Variants in NBAS observed in about 807,000 individuals in gnomAD.
NBAS encodes the protein NBAS subunit of NRZ tethering complex.
Under a neutral mutation model 302.5 loss-of-function variants are expected in NBAS, and 219 were observed. The ratio of observed to expected loss-of-function variants is 0.72; its 90% CI spans 0.65 to 0.81. The LOEUF (loss-of-function observed/expected upper bound fraction) is 0.81, where lower values mean the gene tolerates loss of function less well. Among genes scored for constraint, NBAS ranks in the 30% least tolerant of loss-of-function variants. NBAS has a pLI of 0.00. For synonymous variants in NBAS, 1,118 were observed against 1,021.6 expected, an observed-to-expected ratio of 1.09 and a Z score of -1.80; for missense variants, 2,932 against 2,841.6, an observed-to-expected ratio of 1.03 and a Z score of -0.72.
the NBAS span, among the ~76,000 whole-genome samples, chr2:14,911,084 C>T: frequency 6.6e-6 from 1 of 152,184 alleles, no homozygotes; most frequent in Non-Finnish European, 1.5e-5. Flanking sequence ...TCTGTTCCTT[C>T]CTTTGAACAA....
At chr2:15,143,379 C>T in the NBAS span, among the ~76,000 whole-genome samples, 4 of 152,170 alleles carry the variant, frequency 2.6e-5, no homozygotes, top group African/African-American at 4.8e-5. Context: ...TTGCAGGGGC[C>T]GCTGCAAATC....
At chr2:14,824,382 A>G in the NBAS span, among the ~76,000 whole-genome samples, 5 of 152,248 alleles carry the variant, frequency 3.3e-5, no homozygotes, top group Non-Finnish European at 1.5e-5. Flanking sequence ...AAATAAAATT[A>G]CAATGCTATT....
chr2:14,797,350 C>T, the NBAS span, among the ~76,000 whole-genome samples: 4,912 of 152,226 alleles, frequency 0.032, 245 homozygotes, highest in African/African-American at 0.11. Flanking sequence ...AAAGGACTGG[C>T]ACCAATGTAG....
chr2:15,266,713 T>C (rs1669092264), intron 44 of NBAS, among the ~76,000 whole-genome samples: 1 of 152,206 alleles, frequency 6.6e-6, no homozygotes, highest in Non-Finnish European at 1.5e-5. Context: ...ATTCTTAATA[T>C]TGTAGGGTCC....
the NBAS span, among the ~76,000 whole-genome samples, chr2:15,039,775 G>A: frequency 2.0e-4 from 30 of 152,266 alleles, no homozygotes; most frequent in African/African-American, 6.7e-4. Context: ...ATTCCTTCCG[G>A]CAGCCTCTGA....
chr2:14,805,548 C>T, the NBAS span, among the ~76,000 whole-genome samples: 1 of 152,146 alleles, frequency 6.6e-6, no homozygotes, highest in Admixed American at 6.5e-5. Flanking sequence ...AAGAATGGAT[C>T]TTTGTTTCTG....
chr2:14,942,455 G>A, the NBAS span, among the ~76,000 whole-genome samples: 1 of 152,100 alleles, frequency 6.6e-6, no homozygotes, highest in South Asian at 2.1e-4. Context: ...CCAGCCATGT[G>A]ACATGTCTTT....
At chr2:15,474,648 C>A (rs1320321555) in intron 14 of NBAS, among the ~76,000 whole-genome samples, 1 of 152,080 alleles carries the variant, frequency 6.6e-6, no homozygotes. Context: ...GCAACCTCGG[C>A]CTCCCAGGTT....
intron 42 of NBAS, among the ~76,000 whole-genome samples, chr2:15,285,811 T>TA (rs1169502433): frequency 6.6e-6 from 1 of 152,156 alleles, no homozygotes; most frequent in Non-Finnish European, 1.5e-5. Flanking sequence ...CCTGCCACCA[T>TA]ACTCAGCTAA....
intron 35 of NBAS, among the ~76,000 whole-genome samples, 187 bp from the exon 36 acceptor site, chr2:15,330,952 CTCAA>C (rs1429694792): frequency 6.6e-6 from 1 of 152,118 alleles, no homozygotes; most frequent in African/African-American, 2.4e-5. Context: ...TTGTTCCTCT[CTCAA>C]TCATTTGCCA....
At chr2:15,332,477 A>G (rs1003820650) in intron 35 of NBAS, among the ~76,000 whole-genome samples, 1 of 152,204 alleles carries the variant, frequency 6.6e-6, no homozygotes, top group East Asian at 1.9e-4. Context: ...CAATGCTTAC[A>G]ATTTACCCAA....
At chr2:14,838,996 A>G in the NBAS span, among the ~76,000 whole-genome samples, 1 of 152,142 alleles carries the variant, frequency 6.6e-6, no homozygotes, top group South Asian at 2.1e-4. Context: ...AAGAAGCTTG[A>G]CATTAATAGG....
At chr2:15,359,011 A>G (rs1673765829) in intron 32 of NBAS, among the ~76,000 whole-genome samples, 1 of 152,192 alleles carries the variant, frequency 6.6e-6, no homozygotes, top group South Asian at 2.1e-4. Flanking sequence ...TCCTCCTAAA[A>G]TAAAACTGCA....
At chr2:15,217,130 T>C (rs1164388909) in intron 48 of NBAS, among the ~76,000 whole-genome samples, 3 of 152,248 alleles carry the variant, frequency 2.0e-5, no homozygotes, top group African/African-American at 4.8e-5. Flanking sequence ...TTCGTGTCCC[T>C]AGCCTGCTCT....
chr2:15,164,086 T>C (rs1306098672), downstream of NBAS, among the ~76,000 whole-genome samples: 7 of 152,248 alleles, frequency 4.6e-5, no homozygotes, highest in Admixed American at 4.6e-4. Flanking sequence ...TGTGAGCCTC[T>C]ATGCCCGGCC....
chr2:15,394,673 C>T (rs1675780386), intron 27 of NBAS, among the ~76,000 whole-genome samples: 2 of 152,052 alleles, frequency 1.3e-5, no homozygotes, highest in African/African-American at 4.8e-5. Context: ...ACTTTCAGTA[C>T]AGTTTTAACT....
the NBAS span, among the ~76,000 whole-genome samples, chr2:14,946,985 A>G: frequency 9.4e-6 from 1 of 106,222 alleles, no homozygotes; most frequent in Non-Finnish European, 2.5e-5. Context: ...AAATGAAAAT[A>G]TAACATACCA....
the NBAS span, among the ~76,000 whole-genome samples, chr2:15,090,236 C>T: frequency 3.9e-5 from 6 of 152,306 alleles, no homozygotes; most frequent in South Asian, 2.1e-4. Flanking sequence ...GAGAGTCACT[C>T]ATTTCAGCTC....
chr2:15,019,766 C>T, the NBAS span, among the ~76,000 whole-genome samples: 2 of 151,982 alleles, frequency 1.3e-5, no homozygotes, highest in African/African-American at 2.4e-5. Flanking sequence ...ATAAGAAGAG[C>T]CCAGAGAACT....
Sources: gnomAD v4.1 joint callset for allele counts (sites outside exome capture counted in the v4.1 genomes callset) on GRCh38, gnomAD v4.1.1 for gene constraint, MANE v1.5 for transcripts, NCBI Gene and HGNC (gene_info 2026-07-23, HGNC 2026-07-21) for gene names.